SNTG2: variants seen among roughly 807,000 people sequenced by gnomAD.
SNTG2 encodes the protein gamma-2-syntrophin.
SNTG2 carries 74 observed loss-of-function variants against 70.9 expected under a neutral mutation model. The observed-to-expected ratio is 1.04, with a 90% CI of 0.86 to 1.27. SNTG2 has a LOEUF of 1.27. Ranked by LOEUF, SNTG2 falls within the 50% of genes most tolerant of loss-of-function variation. The pLI is 0.00. For synonymous variants in SNTG2, 278 were observed against 273.8 expected, an observed-to-expected ratio of 1.02 and a Z score of -0.15; for missense variants, 717 against 690.7, an observed-to-expected ratio of 1.04 and a Z score of -0.43.
intron 8 of SNTG2, among the ~76,000 whole-genome samples, chr2:1,188,440 TA>T: frequency 6.6e-6 from 1 of 152,050 alleles, no homozygotes; most frequent in Non-Finnish European, 1.5e-5. Flanking sequence ...AGAGGCCTAT[TA>T]GATAAAATAA....
chr2:1,203,690 A>ATATATGTGTGTG (rs150383929), intron 8 of SNTG2, among the ~76,000 whole-genome samples: 1 of 141,308 alleles, frequency 7.1e-6, no homozygotes, highest in African/African-American at 2.6e-5. Flanking sequence ...ATATATATAT[A>ATATATGTGTGTG]TGTGTGTGTG....
At chr2:1,306,340 C>T (rs1274324835) in intron 14 of SNTG2, among the ~76,000 whole-genome samples, 4 of 152,218 alleles carry the variant, frequency 2.6e-5, no homozygotes, top group African/African-American at 7.2e-5. Context: ...GCCTTTTGGG[C>T]CCCCCACCAT....
At chr2:1,222,557 A>G (rs182400044) in intron 9 of SNTG2, among the ~76,000 whole-genome samples, 2,177 of 47,634 alleles carry the variant, frequency 0.046, 44 homozygotes, top group South Asian at 0.12. Flanking sequence ...TGTAGAGGAA[A>G]GCGGTGCAGT....
chr2:1,298,284 C>G (rs1017340520), intron 14 of SNTG2, among the ~76,000 whole-genome samples: 2 of 151,996 alleles, frequency 1.3e-5, no homozygotes, highest in Admixed American at 6.6e-5. Flanking sequence ...AGATGCCCAC[C>G]ACCACACCCA....
At chr2:1,034,005 A>T (rs1660988580) in intron 1 of SNTG2, among the ~76,000 whole-genome samples, 1 of 151,030 alleles carries the variant, frequency 6.6e-6, no homozygotes, top group Non-Finnish European at 1.5e-5. Context: ...TTTAACTTTT[A>T]TGTTTAGAGG....
chr2:1,015,887 A>C (rs1659877542), intron 1 of SNTG2, among the ~76,000 whole-genome samples: 1 of 152,230 alleles, frequency 6.6e-6, no homozygotes, highest in African/African-American at 2.4e-5. Flanking sequence ...GCAAGACAAA[A>C]GACTTGCAGA....
At chr2:967,361 G>C (rs1448239716) in intron 1 of SNTG2, among the ~76,000 whole-genome samples, 1 of 152,172 alleles carries the variant, frequency 6.6e-6, no homozygotes, top group Non-Finnish European at 1.5e-5. Context: ...ATGTACTTTA[G>C]AGATGCTTTT....
At chr2:1,014,509 A>G (rs1432657324) in intron 1 of SNTG2, among the ~76,000 whole-genome samples, 2 of 81,090 alleles carry the variant, frequency 2.5e-5, no homozygotes, top group African/African-American at 4.3e-5. Context: ...AGAGGGATTT[A>G]TATGGGCAGA....
chr2:1,308,351 A>C (rs1009650266), intron 14 of SNTG2, 143 bp from the exon 15 acceptor site: 7 of 706,700 alleles, frequency 9.9e-6, no homozygotes, highest in African/African-American at 1.8e-5. Flanking sequence ...GGGACCCTGC[A>C]TCCTCCTGTT....
At chr2:1,324,879 A>G (rs900450961) in intron 16 of SNTG2, among the ~76,000 whole-genome samples, 3 of 152,240 alleles carry the variant, frequency 2.0e-5, no homozygotes, top group African/African-American at 7.2e-5. Flanking sequence ...AAGCCAAGCC[A>G]AGTATTGACC....
chr2:1,163,786 G>A (rs192760822), intron 6 of SNTG2: 1 of 152,502 alleles, frequency 6.6e-6, no homozygotes, highest in Admixed American at 6.5e-5. Context: ...ACATATTTAA[G>A]GTTGTCCACA....
intron 14 of SNTG2, among the ~76,000 whole-genome samples, chr2:1,295,292 C>A (rs192047900): frequency 1.3e-5 from 2 of 152,312 alleles, no homozygotes; most frequent in East Asian, 3.9e-4. Flanking sequence ...CTTGAGGATC[C>A]GCCTCCTGTC....
intron 2 of SNTG2, among the ~76,000 whole-genome samples, chr2:1,089,246 G>A (rs1664866733): frequency 6.6e-6 from 1 of 152,194 alleles, no homozygotes; most frequent in African/African-American, 2.4e-5. Context: ...TCATTAAAAT[G>A]TTATTTAATG....
chr2:1,116,915 T>TGTGTGGGTGCCCTGGC (rs1243294040), intron 4 of SNTG2, among the ~76,000 whole-genome samples: 3 of 139,872 alleles, frequency 2.1e-5, no homozygotes, highest in South Asian at 4.9e-4. Context: ...GGTGCTCTGG[T>TGTGTGGGTGCCCTGGC]GTGTGGGTGC....
chr2:1,039,735 C>T (rs372517088), intron 1 of SNTG2, among the ~76,000 whole-genome samples: 20 of 152,238 alleles, frequency 1.3e-4, no homozygotes, highest in South Asian at 1.2e-3. Flanking sequence ...AAAATATAAG[C>T]GCTGCTCCTA....
chr2:1,159,255 G>GTGTGTGTGCC (rs1558470843), intron 6 of SNTG2: 1 of 150,862 alleles, frequency 6.6e-6, no homozygotes, highest in African/African-American at 2.5e-5. Context: ...GTGTATGCAG[G>GTGTGTGTGCC]TGTGTGTGCA....
At chr2:1,228,308 C>T (rs1017730704) in intron 9 of SNTG2, among the ~76,000 whole-genome samples, 6 of 152,358 alleles carry the variant, frequency 3.9e-5, no homozygotes, top group African/African-American at 1.4e-4. Flanking sequence ...AGAACATGGA[C>T]TGCAAGGCCG....
intron 15 of SNTG2, among the ~76,000 whole-genome samples, chr2:1,313,628 G>A (rs1681121227): frequency 6.6e-6 from 1 of 152,202 alleles, no homozygotes; most frequent in South Asian, 2.1e-4. Flanking sequence ...GTGCAGAAGA[G>A]AAAATCTGTG....
At chr2:1,364,260 G>T (rs1280927842) in intron 16 of SNTG2, among the ~76,000 whole-genome samples, 1 of 151,542 alleles carries the variant, frequency 6.6e-6, no homozygotes, top group Non-Finnish European at 1.5e-5. Flanking sequence ...GGGATTACAG[G>T]CGTGATCCAC....
Sources: gnomAD v4.1 joint callset for allele counts (sites outside exome capture counted in the v4.1 genomes callset) on GRCh38, gnomAD v4.1.1 for gene constraint, MANE v1.5 for transcripts, NCBI Gene and HGNC (gene_info 2026-07-23, HGNC 2026-07-21) for gene names.